Variants in CEACAM19 observed in about 807,000 individuals in gnomAD.
CEACAM19 encodes CEA cell adhesion molecule 19, also known as cell adhesion molecule CEACAM19.
In CEACAM19, 37 loss-of-function variants were observed where a neutral mutation model predicts 37.6. The observed-to-expected ratio is 0.98, with a 90% CI of 0.76 to 1.29. The LOEUF is 1.29. Ranked by LOEUF, CEACAM19 falls within the 50% of genes most tolerant of loss-of-function variation. The probability of loss-of-function intolerance (pLI) is 0.00; values close to 1 mark genes in which losing one functional copy is unlikely to be tolerated. For missense variants in CEACAM19, 340 were observed against 375.6 expected (o/e 0.91, Z 0.78); for synonymous variants, 140 against 149.8 (o/e 0.93, Z 0.48).
chr19:44,667,880 T>TATATATAAATTATATATAATATATAAAA (rs1973760927), upstream of CEACAM19, among the ~76,000 whole-genome samples: 1 of 71,120 alleles, frequency 1.4e-5, no homozygotes, highest in Non-Finnish European at 2.3e-5. Context: ...AATATATAAA[T>TATATATAAATTATATATAATATATAAAA]ATATATAAAT....
At chr19:44,668,635 C>T (rs1445939847), upstream of CEACAM19, among the ~76,000 whole-genome samples, 2 of 26,682 alleles carry the variant, frequency 7.5e-5, no homozygotes, top group African/African-American at 3.4e-4. Flanking sequence ...ATTATATACA[C>T]ATATTATATA....
intron 3 of CEACAM19, among the ~76,000 whole-genome samples, chr19:44,677,089 A>G (rs915914170): frequency 6.6e-6 from 1 of 152,126 alleles, no homozygotes; most frequent in African/African-American, 2.4e-5. Context: ...CAGGGGGCCC[A>G]GGCTCATACT....
At chr19:44,679,038 G>A (rs1228289020) in intron 4 of CEACAM19, 102 bp downstream of exon 4, 1 of 1,533,606 alleles carries the variant, frequency 6.5e-7, no homozygotes, top group African/African-American at 1.4e-5. Flanking sequence ...TGTTGCCAAG[G>A]TTGGGGTGCA....
At chr19:44,673,457 T>TG in intron 2 of CEACAM19, among the ~76,000 whole-genome samples, 1 of 152,178 alleles carries the variant, frequency 6.6e-6, no homozygotes, top group Non-Finnish European at 1.5e-5. Context: ...GCACTACTGA[T>TG]GTTTTGTATT....
At chr19:44,678,964 G>C (rs757477258) in intron 4 of CEACAM19, 28 bp downstream of exon 4, 1 of 1,611,880 alleles carries the variant, frequency 6.2e-7, no homozygotes, top group Admixed American at 1.7e-5. Context: ...CTTATTTAGT[G>C]AACTAACAAA....
upstream of CEACAM19, among the ~76,000 whole-genome samples, chr19:44,667,802 TA>T (rs1466358615): frequency 2.1e-4 from 15 of 72,030 alleles, no homozygotes; most frequent in African/African-American, 6.1e-4. Context: ...ATAAATTATA[TA>T]ATTTATATAT....
At chr19:44,673,998 C>G (rs1299479611) in intron 2 of CEACAM19, among the ~76,000 whole-genome samples, 1 of 152,098 alleles carries the variant, frequency 6.6e-6, no homozygotes, top group Non-Finnish European at 1.5e-5. Context: ...GTAATCCCAG[C>G]ACTTTGGAAG....
upstream of CEACAM19, among the ~76,000 whole-genome samples, chr19:44,668,159 CTATAT>C (rs1293666299): frequency 7.7e-5 from 5 of 64,612 alleles, no homozygotes; most frequent in Non-Finnish European, 1.3e-4. Flanking sequence ...TATTTATATG[CTATAT>C]TATATAGTAT....
chr19:44,667,641 A>T (rs1222560018), upstream of CEACAM19, among the ~76,000 whole-genome samples: 13 of 87,596 alleles, frequency 1.5e-4, no homozygotes, highest in Non-Finnish European at 2.6e-4. Flanking sequence ...TAAATATATA[A>T]TATATATTAT....
At chr19:44,670,959 G>T (rs1189507675), upstream of CEACAM19, among the ~76,000 whole-genome samples, 1 of 152,038 alleles carries the variant, frequency 6.6e-6, no homozygotes, top group Non-Finnish European at 1.5e-5. Context: ...GCCGGGCGTG[G>T]TGGCGCATGC....
rs1393877940 is a variant in CEACAM19 at position 44,671,755 on chromosome 19, G to A, written c.-177G>A. The A allele has an allele frequency of 1.8e-6, 1 of 565,338 alleles. No individual in the cohort carries two copies. The highest frequency in any genetic ancestry group is 3.0e-5 in the Admixed American group (1 of 33,162). 35.0% of individuals were successfully genotyped at this position (565,338 alleles called of 1,614,324 possible). On this transcript the variant is annotated 5_prime_UTR_variant, in exon 1 of 8. The change creates a new upstream start codon in the 5' untranslated region. Transcript: ENST00000358777. ...TGTGCTCCCATCCCAGGGAGTATAG[G>A]TGGAGCCTCCAGAGCCCATGGACAG...
intron 3 of CEACAM19, 64 bp downstream of exon 3, chr19:44,676,485 C>T: frequency 6.6e-7 from 1 of 1,517,052 alleles, no homozygotes; most frequent in Non-Finnish European, 9.1e-7. Flanking sequence ...CCCATGGATT[C>T]TTCCACAAGT....
intron 1 of CEACAM19, among the ~76,000 whole-genome samples, chr19:44,666,377 A>C (rs1973714649): frequency 2.0e-5 from 3 of 152,166 alleles, no homozygotes; most frequent in African/African-American, 4.8e-5. Flanking sequence ...AACTGCAGGA[A>C]GGATTGAAGG....
At chr19:44,678,967 C>A in intron 4 of CEACAM19, 31 bp downstream of exon 4, 1 of 1,611,662 alleles carries the variant, frequency 6.2e-7, no homozygotes, top group Non-Finnish European at 8.5e-7. Flanking sequence ...ATTTAGTGAA[C>A]TAACAAACTT....
chr19:44,670,063 T>G (rs1473198611), upstream of CEACAM19, among the ~76,000 whole-genome samples: 2 of 152,172 alleles, frequency 1.3e-5, no homozygotes, highest in African/African-American at 4.8e-5. Flanking sequence ...GAGTCACATC[T>G]GTAATCCCAG....
upstream of CEACAM19, among the ~76,000 whole-genome samples, chr19:44,669,977 C>T (rs527447142): frequency 1.4e-4 from 22 of 152,282 alleles, no homozygotes; most frequent in African/African-American, 5.3e-4. Flanking sequence ...ACCCAGCACA[C>T]ACAACTGGGC....
upstream of CEACAM19, among the ~76,000 whole-genome samples, chr19:44,669,258 A>G (rs527522961): frequency 6.6e-6 from 1 of 152,170 alleles, no homozygotes; most frequent in East Asian, 1.9e-4. Context: ...AACTGGAACT[A>G]TAGTTGAAAG....
At chr19:44,681,068 C>T (rs1974049186) in intron 5 of CEACAM19, among the ~76,000 whole-genome samples, 159 bp from the exon 6 acceptor site, 1 of 152,172 alleles carries the variant, frequency 6.6e-6, no homozygotes, top group South Asian at 2.1e-4. Flanking sequence ...AGGCCTGGGA[C>T]TGTCGTGGTC....
intron 3 of CEACAM19, 93 bp from the exon 4 acceptor site, chr19:44,678,759 CT>C: frequency 4.6e-6 from 7 of 1,527,818 alleles, no homozygotes; most frequent in South Asian, 1.2e-5. Flanking sequence ...CCCCTCCCCC[CT>C]CTCCATTTTC....
Sources: allele counts gnomAD v4.1 joint callset (sites outside exome capture counted in the v4.1 genomes callset), GRCh38; gene constraint gnomAD v4.1.1; transcripts MANE v1.5; gene names NCBI Gene and HGNC (gene_info 2026-07-23, HGNC 2026-07-21).